MYO7B: variants seen among roughly 807,000 people sequenced by gnomAD.
The protein encoded by MYO7B is myosin VIIB.
In MYO7B, 212 loss-of-function variants were observed where a neutral mutation model predicts 259.7. The observed-to-expected ratio is 0.82, with a 90% confidence interval of 0.73 to 0.91. The LOEUF is 0.91. Ranked by LOEUF, MYO7B falls within the 40% of genes least tolerant of loss-of-function variation. The pLI is 0.00. For missense variants in MYO7B, 2,732 were observed against 2,813.5 expected (o/e 0.97, Z 0.66); for synonymous variants, 1,197 against 1,166.4 (o/e 1.03, Z -0.54).
intron 7 of MYO7B, 128 bp downstream of exon 7, chr2:127,574,190 T>A: frequency 1.6e-6 from 2 of 1,214,960 alleles, no homozygotes; most frequent in Non-Finnish European, 2.3e-6. Flanking sequence ...CAGGCCTCAC[T>A]GGATAATGAG....
intron 1 of MYO7B, among the ~76,000 whole-genome samples, chr2:127,549,366 G>A (rs995553058): frequency 9.9e-5 from 15 of 152,196 alleles, no homozygotes; most frequent in African/African-American, 2.4e-4. Flanking sequence ...GTACAGGTTC[G>A]TTACGTGGAT....
rs778397858 is a variant in MYO7B, at chr2:127,637,371, T to C, written c.6383T>C (p.Met2128Thr). Residue 2128 changes from methionine (M) to threonine (T), a missense_variant, in exon 48 of 48, where the codon ATG (methionine) becomes ACG (threonine). Physicochemically the swap from Met to Thr is moderately conservative, Grantham distance 81. This residue lies in a region of MYO7B where 821 missense variants were observed against 769.3 expected (regional missense o/e 1.07). Transcript: ENST00000409816. ...TATGTGCAGCAGCTCCTGAGTGCCA[T>C]GAACAAGCAGCGGGGCTCCAAGGCC... ...TSYVQQLLSAMNKQRGSKAPA... is the reference protein window; with the variant it reads ...TSYVQQLLSATNKQRGSKAPA... 1.3e-6 allele frequency: 2 copies of C among 1,588,332 alleles called. No individual in the cohort carries two copies. Among genetic ancestry groups the C allele is most frequent in the South Asian group, 1.1e-5 (1 of 87,022 alleles).
At chr2:127,565,119 T>G in intron 3 of MYO7B, 114 bp from the exon 4 acceptor site, 1 of 1,351,086 alleles carries the variant, frequency 7.4e-7, no homozygotes, top group Non-Finnish European at 1.0e-6. Context: ...CCAGGTCAGC[T>G]GATCCATGAC....
At chr2:127,612,697 GAC>G in intron 26 of MYO7B, 94 bp downstream of exon 26, 2 of 1,514,094 alleles carry the variant, frequency 1.3e-6, no homozygotes, top group Non-Finnish European at 1.8e-6. Context: ...CCACCCCTAT[GAC>G]ACCTCCTTGT....
intron 40 of MYO7B, among the ~76,000 whole-genome samples, chr2:127,633,582 TCCAGGC>T: frequency 6.6e-6 from 1 of 152,156 alleles, no homozygotes; most frequent in South Asian, 2.1e-4. Context: ...AGTTGGGGGA[TCCAGGC>T]CCAGGACACA....
At position 127,615,400 on chromosome 2, in the gene MYO7B, T is replaced by C. The variant is rs1231407325; in HGVS notation, c.3398+2797T>C. Among the ~76,000 whole-genome samples the C allele has an allele frequency of 6.6e-6, 1 of 151,924 alleles. No homozygotes were observed. The highest frequency in any genetic ancestry group is 2.4e-5 in the African/African-American group (1 of 41,308). The stretch of plus-strand genomic sequence containing the variant: ...TGAAAACTGAAGACAAAAGAAACTT[T>C]TAAAGGAAGGGGTCAGGGGAAGAAG... On this transcript the variant is annotated intron_variant, in intron 26 of 47. Transcript: ENST00000409816. The surrounding 1 kb of genome is among the most constrained non-coding windows in gnomAD (Gnocchi z 4.4).
At chr2:127,633,218 G>C (rs1211780668) in intron 39 of MYO7B, 40 bp from the exon 40 acceptor site, 2 of 1,496,974 alleles carry the variant, frequency 1.3e-6, no homozygotes, top group Non-Finnish European at 1.8e-6. Context: ...GTGAGGATGA[G>C]GGTGGGGGTG....
rs1439828875 is a variant in MYO7B at position 127,574,036 on chromosome 2, C to G, written c.709C>G (p.Leu237Val). The G allele has an allele frequency of 1.2e-6, 2 of 1,614,042 alleles. No individual in the cohort carries two copies. The highest frequency in any genetic ancestry group is 1.7e-5 in the Admixed American group (1 of 60,036). The change falls in exon 7 of 48, where the codon CTG becomes GTG. Residue 237 changes from leucine (L) to valine (V), a missense_variant. Coordinates refer to ENST00000409816, the MANE Select transcript of MYO7B (RefSeq NM_001393586.1). ...GGGCGCGCGCATCGAGCAATTTCTC[C>G]TGGAGAAGTCCCGGGTCTGCCGGCA... ...IEGARIEQFL[L>V]EKSRVCRQAP...
rs535963909 is a variant in MYO7B, at chr2:127,548,518, C to T, written c.-23-11182C>T. 4.0e-5 allele frequency among the ~76,000 whole-genome samples: 6 copies of T among 151,330 alleles called. No homozygotes were observed. In the South Asian group the frequency reaches 1.3e-3, roughly 32 times the overall value. On this transcript the variant is annotated intron_variant, in intron 1 of 47. Transcript: ENST00000409816. ...GCCACCTCTGCCTCCCAGGTTCAAG[C>T]GATTCTCCTGCCTCAGCCTCCTGAG...
In MYO7B at chr2:127,619,173, T is replaced by C. The variant is rs368957358; in HGVS notation, c.3399-1167T>C. On this transcript the variant is annotated intron_variant, in intron 26 of 47. Transcript: ENST00000409816. ...TGGGGGCCGGTTGGGTTGTGGTGGC[T>C]GGTTGGGTTGTGGTGGCCAGCTGGA... 4.1e-3 allele frequency among the ~76,000 whole-genome samples: 507 copies of C among 122,834 alleles called. 7 individuals carry two copies. The highest frequency in any genetic ancestry group is 0.014 in the African/African-American group (460 of 32,240). 80.6% of individuals were successfully genotyped at this position (122,834 alleles called of 152,430 possible).
rs1181201212 is a variant in MYO7B, at chr2:127,546,956, C to T, written c.-24+11125C>T. 1.3e-5 allele frequency among the ~76,000 whole-genome samples: 2 copies of T among 152,030 alleles called. No homozygotes were observed. Among genetic ancestry groups the T allele is most frequent in the African/African-American group, 4.8e-5 (2 of 41,380 alleles). ...TTCAACCACTAATCGACTCATCCAT[C>T]CATCCATCCACCAATCTATCCATCC... On this transcript the variant is annotated intron_variant, in intron 1 of 47. Coordinates refer to ENST00000409816, the MANE Select transcript of MYO7B (RefSeq NM_001393586.1). This position sits in a 1 kb window ranked among gnomAD's most constrained non-coding sequence, Gnocchi z 4.2.
At chr2:127,564,601 G>T (rs1357103748) in intron 3 of MYO7B, among the ~76,000 whole-genome samples, 1 of 152,204 alleles carries the variant, frequency 6.6e-6, no homozygotes, top group Non-Finnish European at 1.5e-5. Context: ...CAAGTAAGAG[G>T]CCAGCAAGCT....
At chr2:127,621,694 A>G (rs1465062146) in intron 27 of MYO7B, among the ~76,000 whole-genome samples, 3 of 152,174 alleles carry the variant, frequency 2.0e-5, no homozygotes, top group African/African-American at 7.2e-5. Context: ...CCAGTCATTC[A>G]TCACCATAGA....
At chr2:127,542,786 G>C (rs1231298314) in intron 1 of MYO7B, among the ~76,000 whole-genome samples, 1 of 152,210 alleles carries the variant, frequency 6.6e-6, no homozygotes, top group Non-Finnish European at 1.5e-5. Flanking sequence ...TCTCAGAGAA[G>C]GGGATGTGGC....
chr2:127,545,558 A>G (rs1693196430), intron 1 of MYO7B, among the ~76,000 whole-genome samples: 1 of 152,234 alleles, frequency 6.6e-6, no homozygotes, highest in Non-Finnish European at 1.5e-5. Flanking sequence ...GCCCGACAGC[A>G]TAGAACGAGG....
chr2:127,636,608 C>T lies in MYO7B; in HGVS notation c.6187C>T (p.Leu2063Phe), dbSNP rs765667283. 3 of 1,612,686 alleles carry T rather than the reference C, an allele frequency of 1.9e-6. No individual in the cohort carries two copies. Among genetic ancestry groups the T allele is most frequent in the Admixed American group, 3.3e-5 (2 of 59,842 alleles). The change falls in exon 46 of 48, where the codon CTC becomes TTC. Residue 2063 changes from leucine (L) to phenylalanine (F), a missense_variant. Leu to Phe is a conservative substitution (Grantham distance 22). Coordinates refer to ENST00000409816, the MANE Select transcript of MYO7B (RefSeq NM_001393586.1). The surrounding 1 kb of genome is among the most constrained non-coding windows in gnomAD (Gnocchi z 4.5). ...CGCCATCAACCGACATGGGGTTCTGCTCATCCACCCCAAGACCAAGGTAGC... is the reference window on the plus strand; with the variant it reads ...CGCCATCAACCGACATGGGGTTCTGTTCATCCACCCCAAGACCAAGGTAGC... Reference protein sequence around the residue: ...LIAINRHGVLLIHPKTKDLLT... With the variant: ...LIAINRHGVLFIHPKTKDLLT...
chr2:127,633,267 C>A lies in MYO7B; in HGVS notation c.5415C>A (p.Pro1805=), dbSNP rs772191236. Residue 1805 remains proline (P), a synonymous_variant, in exon 40 of 48, where the codon CCC becomes CCA. Coordinates refer to ENST00000409816, the MANE Select transcript of MYO7B (RefSeq NM_001393586.1). ...ACGCTGTCCCCCTCAGGACGGGGCC[C>A]CGGAAGCAGCCCCCGCACCAGGTGG... ...RRIQKVLRTG[P]RKQPPHQVEV... 47 of 1,610,384 alleles carry A rather than the reference C, an allele frequency of 2.9e-5. No individual in the cohort carries two copies. Among genetic ancestry groups the A allele is most frequent in the Non-Finnish European group, 3.6e-5 (42 of 1,179,016 alleles).
At chr2:127,625,907 A>G in intron 31 of MYO7B, 1 of 217,556 alleles carries the variant, frequency 4.6e-6, no homozygotes, top group African/African-American at 2.3e-5. Context: ...GGGCCTCAGC[A>G]TCCCCTCGCT....
intron 21 of MYO7B, among the ~76,000 whole-genome samples, chr2:127,608,166 C>T (rs1680230557): frequency 6.6e-6 from 1 of 152,152 alleles, no homozygotes; most frequent in African/African-American, 2.4e-5. Flanking sequence ...ACTTCTGCTC[C>T]ATGGATGAAA....
Sources: allele counts gnomAD v4.1 joint callset (sites outside exome capture counted in the v4.1 genomes callset), GRCh38; gene constraint gnomAD v4.1.1; regional missense constraint gnomAD v4.1.1; non-coding constraint Gnocchi (gnomAD v3.1); transcripts MANE v1.5; gene names NCBI Gene and HGNC (gene_info 2026-07-23, HGNC 2026-07-21).